EFNA5: variants seen among roughly 807,000 people sequenced by gnomAD.
The protein encoded by EFNA5 is ephrin-A5.
EFNA5 carries 5 observed loss-of-function variants against 22.9 expected under a neutral mutation model. The observed-to-expected ratio is 0.22, with a 90% CI of 0.11 to 0.46. EFNA5 has a LOEUF of 0.46. EFNA5 is among the 20% of genes least tolerant of loss of function. The pLI is 0.99. For synonymous variants in EFNA5, 113 were observed against 112.2 expected, an observed-to-expected ratio of 1.01 and a Z score of -0.04; for missense variants, 237 against 293.3, an observed-to-expected ratio of 0.81 and a Z score of 1.40.
chr5:107,440,882 T>A (rs1036175103), intron 1 of EFNA5, among the ~76,000 whole-genome samples: 1 of 152,272 alleles, frequency 6.6e-6, no homozygotes, highest in Middle Eastern at 3.4e-3. Flanking sequence ...ATATAGCACG[T>A]CAATTGATTT....
chr5:107,387,578 T>C, intron 3 of EFNA5, 128 bp downstream of exon 3: 1 of 703,822 alleles, frequency 1.4e-6, no homozygotes, highest in Non-Finnish European at 2.5e-6. Context: ...AAAATATGAA[T>C]GTTGATATAC....
chr5:107,441,451 T>C lies in EFNA5; in HGVS notation c.126-13942A>G, dbSNP rs140285884. Among the ~76,000 whole-genome samples the C allele has an allele frequency of 1.2e-3, 185 of 152,316 alleles. 2 individuals carry two copies. The highest frequency in any genetic ancestry group is 4.3e-3 in the African/African-American group (180 of 41,580). ...CAGAAACACCTTTTCCTTCCTTGTG[T>C]AGGCAGTGAAGCTGTGCTGGAATTG... On this transcript the variant is annotated intron_variant, in intron 1 of 4. Coordinates refer to ENST00000333274, the MANE Select transcript of EFNA5 (RefSeq NM_001962.3).
chr5:107,612,436 A>G (rs1017613165), intron 1 of EFNA5, among the ~76,000 whole-genome samples: 2 of 152,144 alleles, frequency 1.3e-5, no homozygotes, highest in Non-Finnish European at 2.9e-5. Flanking sequence ...TAGAAACTGC[A>G]ATCATCAATA....
Position 107,670,687 on chromosome 5 carries a change from G to GGCAA in EFNA5, c.-78_-75dup. 6.4e-7 allele frequency: 1 copy of GGCAA among 1,554,470 alleles called. No individual in the cohort carries two copies. The highest frequency in any genetic ancestry group is 1.2e-5 in the South Asian group (1 of 83,862). The stretch of plus-strand genomic sequence containing the variant: ...GCGGGGATCCGGAGGGAGGGAGGCA[G>GGCAA]GCAAAGGGACAGAGAGAGAGCGGGC... On this transcript the variant is annotated 5_prime_UTR_variant, in exon 1 of 5. Coordinates refer to ENST00000333274, the MANE Select transcript of EFNA5 (RefSeq NM_001962.3).
chr5:107,500,084 G>T (rs1747096888), intron 1 of EFNA5, among the ~76,000 whole-genome samples: 1 of 152,164 alleles, frequency 6.6e-6, no homozygotes, highest in South Asian at 2.1e-4. Context: ...TTCAGTTGTA[G>T]CTTTTCTATT....
In EFNA5 at chr5:107,389,784, A is replaced by T. The variant is rs1442909109; in HGVS notation, c.419-2013T>A. ...CTCAAGGAGGGACACAGTCTTAGCT[A>T]CTGGATGTGCTCCATACTTCTGTGA... On this transcript the variant is annotated intron_variant, in intron 2 of 4. Coordinates refer to ENST00000333274, the MANE Select transcript of EFNA5 (RefSeq NM_001962.3). Among the ~76,000 whole-genome samples, 3 of 152,224 alleles carry T rather than the reference A, an allele frequency of 2.0e-5. No homozygotes were observed. The East Asian group carries it at 5.8e-4, about 29-fold the overall frequency.
intron 1 of EFNA5, among the ~76,000 whole-genome samples, chr5:107,445,831 C>T (rs773798656): frequency 6.6e-6 from 1 of 152,212 alleles, no homozygotes; most frequent in African/African-American, 2.4e-5. Flanking sequence ...TTTTTCAGCA[C>T]ATATGGTACA....
intron 2 of EFNA5, among the ~76,000 whole-genome samples, chr5:107,418,097 T>C (rs1284275792): frequency 6.6e-6 from 1 of 152,234 alleles, no homozygotes; most frequent in East Asian, 1.9e-4. Context: ...GGTGTGTGCA[T>C]GCTTGTGTAA....
intron 2 of EFNA5, among the ~76,000 whole-genome samples, chr5:107,388,270 A>G (rs1747691147): frequency 6.6e-6 from 1 of 152,226 alleles, no homozygotes; most frequent in Non-Finnish European, 1.5e-5. Context: ...CTTTGTCTGT[A>G]CTGAAAGCTT....
chr5:107,612,887 G>A (rs1441020444), intron 1 of EFNA5, among the ~76,000 whole-genome samples: 1 of 152,024 alleles, frequency 6.6e-6, no homozygotes, highest in Admixed American at 6.5e-5. Flanking sequence ...GAAAGTTAAA[G>A]GAAATAACCT....
In EFNA5 at chr5:107,504,556, G is replaced by A. The variant is rs1255618908; in HGVS notation, c.126-77047C>T. 2.0e-5 allele frequency among the ~76,000 whole-genome samples: 3 copies of A among 152,114 alleles called. No individual in the cohort carries two copies. The East Asian group carries it at 5.8e-4, about 29-fold the overall frequency. On this transcript the variant is annotated intron_variant, in intron 1 of 4. Coordinates refer to ENST00000333274, the MANE Select transcript of EFNA5 (RefSeq NM_001962.3). ...CTTATAGGAACAAACATTTTGAGCT[G>A]CAGAATAAACTAATGAAAAGAGCAC...
chr5:107,490,212 GGTAACCAGTGCATA>G lies in EFNA5; in HGVS notation c.126-62717_126-62704del, dbSNP rs369093684. Among the ~76,000 whole-genome samples, 936 of 152,236 alleles carry G rather than the reference GGTAACCAGTGCATA, an allele frequency of 6.1e-3. 10 individuals carry two copies. The highest frequency in any genetic ancestry group is 0.021 in the African/African-American group (885 of 41,528). On this transcript the variant is annotated intron_variant, in intron 1 of 4. Coordinates refer to ENST00000333274, the MANE Select transcript of EFNA5 (RefSeq NM_001962.3). ...CTGTCTCACTAGACTCAGAGAAGTT[GGTAACCAGTGCATA>G]GTGAACTTGCTTCACACTATGTCAT...
chr5:107,391,328 C>T (rs1486659424), intron 2 of EFNA5, among the ~76,000 whole-genome samples: 1 of 152,086 alleles, frequency 6.6e-6, no homozygotes, highest in African/African-American at 2.4e-5. Flanking sequence ...ATCCATGTGA[C>T]AACTGAGGTT....
intron 1 of EFNA5, among the ~76,000 whole-genome samples, chr5:107,558,532 T>C (rs1748471258): frequency 1.3e-5 from 2 of 152,210 alleles, no homozygotes; most frequent in African/African-American, 4.8e-5. Context: ...TAATTCCTAT[T>C]ATACTTTCTC....
At chr5:107,433,508 G>A (rs1035289518) in intron 1 of EFNA5, among the ~76,000 whole-genome samples, 2 of 152,186 alleles carry the variant, frequency 1.3e-5, no homozygotes, top group South Asian at 2.1e-4. Flanking sequence ...GAAAAAGTGT[G>A]CTTCTGGAAA....
chr5:107,613,322 G>A (rs1476616846), intron 1 of EFNA5, among the ~76,000 whole-genome samples: 5 of 151,970 alleles, frequency 3.3e-5, no homozygotes. Flanking sequence ...CTTTTTTCAT[G>A]CCTATGGGGT....
chr5:107,420,224 T>C (rs1053764601), intron 2 of EFNA5, among the ~76,000 whole-genome samples: 1 of 152,136 alleles, frequency 6.6e-6, no homozygotes, highest in Non-Finnish European at 1.5e-5. Context: ...ATTTATGAAA[T>C]TTTTTACTGA....
At chr5:107,670,360 G>C in intron 1 of EFNA5, 129 bp downstream of exon 1, 1 of 1,255,574 alleles carries the variant, frequency 8.0e-7, no homozygotes, top group Non-Finnish European at 1.0e-6. Flanking sequence ...CAAGCCATCA[G>C]CGCCCGGGCG....
intron 1 of EFNA5, among the ~76,000 whole-genome samples, chr5:107,607,369 A>G (rs768235086): frequency 1.3e-5 from 2 of 152,202 alleles, no homozygotes; most frequent in Non-Finnish European, 2.9e-5. Context: ...CACTGCACAC[A>G]TTTCTTTTCC....
Sources: allele counts gnomAD v4.1 joint callset (sites outside exome capture counted in the v4.1 genomes callset), GRCh38; gene constraint gnomAD v4.1.1; transcripts MANE v1.5; gene names NCBI Gene and HGNC (gene_info 2026-07-23, HGNC 2026-07-21).